Variants in PPP3CB observed in about 807,000 individuals in gnomAD.
PPP3CB encodes serine/threonine-protein phosphatase 2B catalytic subunit beta isoform.
PPP3CB carries 8 observed loss-of-function variants against 66.4 expected under a neutral mutation model. The observed-to-expected ratio is 0.12, with a 90% CI of 0.07 to 0.22. The LOEUF (loss-of-function observed/expected upper bound fraction) is 0.22, where lower values mean the gene tolerates loss of function less well. PPP3CB is among the 10% of genes least tolerant of loss of function. The pLI, the probability that PPP3CB is intolerant of heterozygous loss-of-function variation, is 1.00. For synonymous variants in PPP3CB, 208 were observed against 221.2 expected, an observed-to-expected ratio of 0.94 and a Z score of 0.53; for missense variants, 319 against 642.5, an observed-to-expected ratio of 0.50 and a Z score of 5.44.
At chr10:73,453,233 C>T (rs185543458) in intron 10 of PPP3CB, among the ~76,000 whole-genome samples, 7 of 152,196 alleles carry the variant, frequency 4.6e-5, no homozygotes, top group East Asian at 1.9e-4. Context: ...ACAGCTAAAA[C>T]GATGAAGCTA....
Position 73,438,311 on chromosome 10 carries a change from A to G in PPP3CB, c.1506T>C (p.Asp502=), listed in dbSNP as rs751336031. The change falls in exon 14 of 14, where the codon GAT becomes GAC. Residue 502 remains aspartate, a synonymous_variant. Transcript: ENST00000360663. ...GTGCGGTGTTCAGAGAATTGAAACCATCTTGCTGTACAGCATCTTTCCGAG... is the reference window on the plus strand; with the variant it reads ...GTGCGGTGTTCAGAGAATTGAAACCGTCTTGCTGTACAGCATCTTTCCGAG... The part of the protein sequence containing the change: ...MPPRKDAVQQ[D]GFNSLNTAHA... 1.9e-6 allele frequency: 3 copies of G among 1,614,092 alleles called. No homozygotes were observed. The highest frequency in any genetic ancestry group is 1.7e-5 in the Admixed American group (1 of 60,012).
chr10:73,466,004 T>C (rs1376545179), intron 9 of PPP3CB, among the ~76,000 whole-genome samples: 1 of 152,208 alleles, frequency 6.6e-6, no homozygotes, highest in Non-Finnish European at 1.5e-5. Flanking sequence ...TTATAAAAGA[T>C]GATTTAGAGT....
intron 4 of PPP3CB, among the ~76,000 whole-genome samples, chr10:73,474,717 G>C (rs959706472): frequency 6.6e-6 from 1 of 152,038 alleles, no homozygotes; most frequent in African/African-American, 2.4e-5. Context: ...TGGGATTACA[G>C]GCGTGAACCA....
chr10:73,440,462 A>G (rs1300150921), intron 12 of PPP3CB, among the ~76,000 whole-genome samples: 1 of 152,238 alleles, frequency 6.6e-6, no homozygotes, highest in Non-Finnish European at 1.5e-5. Flanking sequence ...AAGAGCTGAT[A>G]TGACTACAGT....
intron 1 of PPP3CB, among the ~76,000 whole-genome samples, chr10:73,491,022 G>GTTTTTTTTTTTTTTTTTTTTT (rs528238766): frequency 2.4e-5 from 1 of 40,896 alleles, no homozygotes; most frequent in Non-Finnish European, 5.3e-5. Context: ...TGTTTTTATT[G>GTTTTTTTTTTTTTTTTTTTTT]TTTTTTTTTT....
intron 9 of PPP3CB, among the ~76,000 whole-genome samples, chr10:73,458,580 C>T (rs1408626231): frequency 6.6e-6 from 1 of 151,742 alleles, no homozygotes; most frequent in East Asian, 1.9e-4. Flanking sequence ...AGCGGGTAGA[C>T]TGCTTGAGCT....
chr10:73,475,862 A>G (rs999521128), intron 3 of PPP3CB, among the ~76,000 whole-genome samples: 5 of 152,136 alleles, frequency 3.3e-5, no homozygotes, highest in Admixed American at 6.6e-5. Context: ...GAAAAAACAA[A>G]CTTTTTTATT....
intron 11 of PPP3CB, 91 bp from the exon 12 acceptor site, chr10:73,444,913 A>C: frequency 8.0e-7 from 1 of 1,249,104 alleles, no homozygotes; most frequent in South Asian, 1.5e-5. Context: ...GCCATATATA[A>C]AATTCATGAC....
chr10:73,443,308 G>GA (rs1453142003), intron 12 of PPP3CB, among the ~76,000 whole-genome samples: 4 of 133,322 alleles, frequency 3.0e-5, no homozygotes, highest in Admixed American at 1.5e-4. Context: ...AAGAAAGAAA[G>GA]AAAGAAAGAA....
At chr10:73,491,019 A>ATTTTTTTTTTTTTTTTTTTTT (rs2057064854) in intron 1 of PPP3CB, among the ~76,000 whole-genome samples, 2 of 22,382 alleles carry the variant, frequency 8.9e-5, no homozygotes, top group Non-Finnish European at 2.0e-4. Context: ...GTTTGTTTTT[A>ATTTTTTTTTTTTTTTTTTTTT]TTGTTTTTTT....
intron 12 of PPP3CB, among the ~76,000 whole-genome samples, chr10:73,443,365 A>G (rs937477697): frequency 3.9e-5 from 6 of 152,046 alleles, no homozygotes; most frequent in African/African-American, 1.4e-4. Context: ...AAGAAAAAAA[A>G]AGAGCACTTA....
At chr10:73,493,230 C>T (rs535075213) in intron 1 of PPP3CB, among the ~76,000 whole-genome samples, 1 of 150,040 alleles carries the variant, frequency 6.7e-6, no homozygotes, top group East Asian at 1.9e-4. Flanking sequence ...GAGTAGAGAT[C>T]GCGCCACTGC....
In PPP3CB at chr10:73,438,158, AGT is replaced by A. The variant is rs2056095027; in HGVS notation, c.*82_*83del. ...TCTTCAGAGAGACTGTGAAATTTAC[AGT>A]CAGCTTGGCCGACCCCTCCAGCTCC... On this transcript the variant is annotated 3_prime_UTR_variant, in exon 14 of 14. Transcript: ENST00000360663. The A allele has an allele frequency of 3.8e-6, 5 of 1,318,664 alleles. No homozygotes were observed. Among genetic ancestry groups the A allele is most frequent in the Non-Finnish European group, 5.2e-6 (5 of 954,356 alleles). The allele number at this position is 1,318,664 out of a possible 1,614,324, so 81.7% of individuals were successfully genotyped here. A position where few individuals can be genotyped will look rare whatever the true frequency, so the allele number is the denominator to read the frequency against.
At chr10:73,442,224 C>G (rs1471782910) in intron 12 of PPP3CB, among the ~76,000 whole-genome samples, 2 of 152,154 alleles carry the variant, frequency 1.3e-5, no homozygotes, top group Non-Finnish European at 2.9e-5. Context: ...CTTCCAGTAA[C>G]TTAGTCCATG....
intron 4 of PPP3CB, among the ~76,000 whole-genome samples, chr10:73,472,216 C>G (rs1307351518): frequency 6.6e-6 from 1 of 152,148 alleles, no homozygotes; most frequent in African/African-American, 2.4e-5. Context: ...AAAAACAGGC[C>G]AGGCACGGTG....
At chr10:73,448,271 G>C (rs1358842641) in intron 10 of PPP3CB, among the ~76,000 whole-genome samples, 1 of 151,998 alleles carries the variant, frequency 6.6e-6, no homozygotes, top group East Asian at 1.9e-4. Flanking sequence ...TAAAAACACT[G>C]TACAAATCAG....
Position 73,471,524 on chromosome 10 carries a change from GA to G in PPP3CB, c.612del (p.Leu205PhefsTer20). ...GGTGAAAGTCCACCATGAACACAAA[GA>G]AACTGTTGGTTTAAAAGTGCAGCAA... ...LPLAALLNQQFLCVHGGLSPE... is the reference protein window; with the variant it reads ...LPLAALLNQQXLCVHGGLSPE... On this transcript the variant is annotated frameshift_variant, in exon 5 of 14. Coordinates refer to ENST00000360663, the MANE Select transcript of PPP3CB (RefSeq NM_021132.4). LOFTEE classifies it high-confidence loss of function. 6.2e-7 allele frequency: 1 copy of G among 1,612,794 alleles called. No homozygotes were observed. Among genetic ancestry groups the G allele is most frequent in the Non-Finnish European group, 8.5e-7 (1 of 1,179,208 alleles).
At chr10:73,495,295 A>G (rs1249755706) in intron 1 of PPP3CB, among the ~76,000 whole-genome samples, 1 of 152,182 alleles carries the variant, frequency 6.6e-6, no homozygotes, top group Non-Finnish European at 1.5e-5. Context: ...CCTGACGGCC[A>G]AAAGTGAACC....
intron 12 of PPP3CB, among the ~76,000 whole-genome samples, chr10:73,442,422 A>G (rs950646712): frequency 3.3e-5 from 5 of 152,240 alleles, no homozygotes; most frequent in Non-Finnish European, 7.3e-5. Flanking sequence ...TGCGGATACA[A>G]TATAAAAGTA....
Sources: gnomAD v4.1 joint callset for allele counts (sites outside exome capture counted in the v4.1 genomes callset) on GRCh38, gnomAD v4.1.1 for gene constraint, MANE v1.5 for transcripts, NCBI Gene and HGNC (gene_info 2026-07-23, HGNC 2026-07-21) for gene names.